The following SHISA9 variants were observed in gnomAD, a reference collection of about 807,000 sequenced individuals.
SHISA9 encodes shisa family member 9, also known as protein shisa-9.
In SHISA9, 13 loss-of-function variants were observed where a neutral mutation model predicts 38.0. The ratio of observed to expected loss-of-function variants is 0.34; its 90% CI spans 0.22 to 0.54. The LOEUF is 0.54. Among genes scored for constraint, SHISA9 ranks in the 20% least tolerant of loss-of-function variants. The probability of loss-of-function intolerance (pLI) is 0.91; values close to 1 mark genes in which losing one functional copy is unlikely to be tolerated. For synonymous variants in SHISA9, 275 were observed against 242.0 expected, an observed-to-expected ratio of 1.14 and a Z score of -1.27; for missense variants, 538 against 575.8, an observed-to-expected ratio of 0.93 and a Z score of 0.67.
At chr16:13,175,843 GC>G (rs2050727321) in intron 2 of SHISA9, among the ~76,000 whole-genome samples, 1 of 152,096 alleles carries the variant, frequency 6.6e-6, no homozygotes, top group African/African-American at 2.4e-5. Context: ...GTGGGTGGGG[GC>G]TTTCCTTAGA....
intron 2 of SHISA9, among the ~76,000 whole-genome samples, chr16:12,949,375 A>G (rs75481549): frequency 0.022 from 3,354 of 152,294 alleles, 40 homozygotes; most frequent in African/African-American, 0.029. Flanking sequence ...TTATTTTTCC[A>G]TGTCAGTAGT....
At chr16:13,222,516 T>G (rs570552711) in intron 4 of SHISA9, among the ~76,000 whole-genome samples, 1 of 152,246 alleles carries the variant, frequency 6.6e-6, no homozygotes, top group South Asian at 2.1e-4. Flanking sequence ...ACACATCACT[T>G]TTGCTATTAT....
chr16:13,179,133 T>G (rs1458796347), intron 2 of SHISA9, among the ~76,000 whole-genome samples: 1 of 152,110 alleles, frequency 6.6e-6, no homozygotes, highest in Non-Finnish European at 1.5e-5. Context: ...CCAGCCAATA[T>G]GGCAAAACCC....
intron 2 of SHISA9, among the ~76,000 whole-genome samples, chr16:13,035,331 TA>T (rs1216517617): frequency 1.4e-4 from 22 of 152,168 alleles, no homozygotes; most frequent in Non-Finnish European, 3.1e-4. Flanking sequence ...GTCAACCAGC[TA>T]GGAAAGAGTT....
downstream of SHISA9, among the ~76,000 whole-genome samples, chr16:13,241,487 C>T (rs2051434963): frequency 6.6e-6 from 1 of 152,118 alleles, no homozygotes; most frequent in African/African-American, 2.4e-5. Context: ...GCCTGGGCAA[C>T]AAGAGCCAAA....
chr16:12,981,157 A>G (rs1403320848), intron 2 of SHISA9, among the ~76,000 whole-genome samples: 1 of 152,240 alleles, frequency 6.6e-6, no homozygotes, highest in African/African-American at 2.4e-5. Flanking sequence ...GTGGATGCGC[A>G]AAGGCCAGAG....
At chr16:13,199,636 G>A (rs959594600) in intron 2 of SHISA9, among the ~76,000 whole-genome samples, 1 of 152,198 alleles carries the variant, frequency 6.6e-6, no homozygotes, top group Non-Finnish European at 1.5e-5. Flanking sequence ...CCACATGGTA[G>A]GTTCAAATTC....
chr16:13,395,797 A>G, the SHISA9 span, among the ~76,000 whole-genome samples: 5 of 152,144 alleles, frequency 3.3e-5, no homozygotes, highest in African/African-American at 1.2e-4. Flanking sequence ...CTTGATATGC[A>G]CTTATTGAAC....
intron 2 of SHISA9, among the ~76,000 whole-genome samples, chr16:13,063,538 C>T (rs892732968): frequency 2.6e-5 from 4 of 152,032 alleles, no homozygotes; most frequent in East Asian, 1.9e-4. Context: ...TCTTGTGGGG[C>T]GTCAATGAAA....
At chr16:13,179,400 G>A (rs907413662) in intron 2 of SHISA9, among the ~76,000 whole-genome samples, 1 of 152,148 alleles carries the variant, frequency 6.6e-6, no homozygotes, top group Non-Finnish European at 1.5e-5. Flanking sequence ...ATCTCTACAT[G>A]CCTTATCTTA....
At chr16:13,089,395 C>G (rs1332645985) in intron 2 of SHISA9, among the ~76,000 whole-genome samples, 1 of 152,176 alleles carries the variant, frequency 6.6e-6, no homozygotes, top group Admixed American at 6.5e-5. Flanking sequence ...CCTCTTTGTA[C>G]CTCTGGTAGA....
rs557544008 is a variant in SHISA9 at position 12,955,286 on chromosome 16, C to G, written c.691+38471C>G. 5.3e-5 allele frequency among the ~76,000 whole-genome samples: 8 copies of G among 152,242 alleles called. 1 individual carries two copies. The South Asian group carries it at 1.5e-3, about 28-fold the overall frequency. ...GTTCACTTAATGGCCATTGCTTCCT[C>G]ATTTTCTTGCCAAGTGACCCCTCCA... On this transcript the variant is annotated intron_variant, in intron 2 of 4. Transcript: ENST00000558583.
At chr16:13,392,151 A>G in the SHISA9 span, among the ~76,000 whole-genome samples, 1 of 152,064 alleles carries the variant, frequency 6.6e-6, no homozygotes, top group East Asian at 1.9e-4. Context: ...TCCTAAATAC[A>G]CCTGTTATGG....
rs1054309111 is a variant in SHISA9 at position 12,911,486 on chromosome 16, A to G, written c.564-5202A>G. 4.2e-6 allele frequency: 3 copies of G among 709,628 alleles called. No individual in the cohort carries two copies. In the African/African-American group the frequency reaches 5.8e-5, roughly 14 times the overall value. 44.0% of individuals were successfully genotyped at this position (709,628 alleles called of 1,614,324 possible). On this transcript the variant is annotated intron_variant, in intron 1 of 4. Transcript: ENST00000558583. ...ATTAGGTACATTATGAAGCATACGT[A>G]AGGACAGAAATTTCAAACCAAGCTT...
At chr16:13,386,798 A>G in the SHISA9 span, among the ~76,000 whole-genome samples, 2 of 152,084 alleles carry the variant, frequency 1.3e-5, no homozygotes, top group African/African-American at 4.8e-5. Flanking sequence ...TGTTATTGTA[A>G]TGTTTAATTA....
At chr16:12,936,011 G>C (rs906926658) in intron 2 of SHISA9, among the ~76,000 whole-genome samples, 2 of 152,162 alleles carry the variant, frequency 1.3e-5, no homozygotes, top group Admixed American at 1.3e-4. Flanking sequence ...CTGCCTTCCA[G>C]AGTGAGGAGT....
the SHISA9 span, among the ~76,000 whole-genome samples, chr16:13,245,980 T>G: frequency 6.6e-6 from 1 of 152,068 alleles, no homozygotes; most frequent in Admixed American, 6.6e-5. Flanking sequence ...CAACACAAGC[T>G]CTCTCCAGCC....
intron 2 of SHISA9, among the ~76,000 whole-genome samples, chr16:13,027,347 A>G (rs1596595515): frequency 6.6e-6 from 1 of 152,340 alleles, no homozygotes; most frequent in East Asian, 1.9e-4. Flanking sequence ...CTAGCTAGTT[A>G]GAGGTGCCCC....
At chr16:13,098,056 G>C (rs991652108) in intron 2 of SHISA9, among the ~76,000 whole-genome samples, 1 of 152,150 alleles carries the variant, frequency 6.6e-6, no homozygotes, top group Non-Finnish European at 1.5e-5. Flanking sequence ...TGGCACCACT[G>C]TTACCACCCC....
Sources: allele counts gnomAD v4.1 joint callset (sites outside exome capture counted in the v4.1 genomes callset), GRCh38; gene constraint gnomAD v4.1.1; transcripts MANE v1.5; gene names NCBI Gene and HGNC (gene_info 2026-07-23, HGNC 2026-07-21).